The following RAD51B variants were observed in gnomAD, a reference collection of about 807,000 sequenced individuals.
RAD51B encodes DNA repair protein RAD51 homolog 2.
RAD51B carries 38 observed loss-of-function variants against 42.2 expected under a neutral mutation model. The observed-to-expected ratio is 0.90, with a 90% CI of 0.70 to 1.18. The LOEUF is 1.18. Ranked by LOEUF, RAD51B falls within the 50% of genes most tolerant of loss-of-function variation. RAD51B has a pLI of 0.00. For missense variants in RAD51B, 373 were observed against 400.7 expected, an observed-to-expected ratio of 0.93 and a Z score of 0.59; for synonymous variants, 154 against 145.2, an observed-to-expected ratio of 1.06 and a Z score of -0.43.
At chr14:68,523,399 C>T (rs557704592) in intron 10 of RAD51B, among the ~76,000 whole-genome samples, 13 of 152,212 alleles carry the variant, frequency 8.5e-5, no homozygotes, top group African/African-American at 2.9e-4. Flanking sequence ...AAGATCTGTT[C>T]GTGATGTCTG....
intron 7 of RAD51B, among the ~76,000 whole-genome samples, chr14:67,907,752 T>A (rs1355134107): frequency 6.6e-6 from 1 of 152,112 alleles, no homozygotes; most frequent in African/African-American, 2.4e-5. Flanking sequence ...TGGAGGAGCA[T>A]GTATCATGTT....
rs188131986 is a variant in RAD51B, at chr14:68,039,158, C to A, written c.756+151954C>A. ...AAAGTGTGTTATATCTGGCCGGGTG[C>A]GGTGGCTCATGCTGTAATCCCAGCA... On this transcript the variant is annotated intron_variant, in intron 7 of 10. Transcript: ENST00000471583. Among the ~76,000 whole-genome samples the A allele has an allele frequency of 5.4e-4, 82 of 152,050 alleles. 1 individual carries two copies. The highest frequency in any genetic ancestry group is 3.9e-3 in the Admixed American group (59 of 15,258).
At chr14:68,156,549 G>T (rs1226791865) in intron 7 of RAD51B, among the ~76,000 whole-genome samples, 1 of 145,338 alleles carries the variant, frequency 6.9e-6, no homozygotes, top group Non-Finnish European at 1.5e-5. Flanking sequence ...TCTTAGTTTG[G>T]AATTAAGCTG....
chr14:67,859,602 T>TAA (rs2042099976), intron 4 of RAD51B, among the ~76,000 whole-genome samples: 1 of 152,224 alleles, frequency 6.6e-6, no homozygotes, highest in African/African-American at 2.4e-5. Flanking sequence ...GGACAGGAAG[T>TAA]TAAACTGACA....
rs544458398 is a variant in RAD51B at position 68,277,091 on chromosome 14, T to A, written c.757-14793T>A. The stretch of plus-strand genomic sequence containing the variant: ...CTTGCAATCTCACTCTGAACCTCCT[T>A]AGTCCCAGGTATGGGTTTCTCTCAC... On this transcript the variant is annotated intron_variant, in intron 7 of 10. Transcript: ENST00000471583. Among the ~76,000 whole-genome samples the A allele has an allele frequency of 3.1e-3, 468 of 152,288 alleles. 2 individuals carry two copies. Among genetic ancestry groups the A allele is most frequent in the African/African-American group, 0.011 (440 of 41,544 alleles).
chr14:68,256,168 A>G (rs2080750195), intron 7 of RAD51B, among the ~76,000 whole-genome samples: 1 of 152,154 alleles, frequency 6.6e-6, no homozygotes, highest in Non-Finnish European at 1.5e-5. Flanking sequence ...GATTTACCCT[A>G]TTTGGGTGTT....
chr14:68,648,061 G>GTA lies in RAD51B; in HGVS notation c.1037-2709_1037-2708dup, dbSNP rs540657421. 2.9e-4 allele frequency among the ~76,000 whole-genome samples: 27 copies of GTA among 93,232 alleles called. 1 individual carries two copies. The highest frequency in any genetic ancestry group is 9.5e-4 in the East Asian group (2 of 2,114). The allele number at this position is 93,232 out of a possible 152,430, so 61.2% of individuals were successfully genotyped here. A position where few individuals can be genotyped will look rare whatever the true frequency, so the allele number is the denominator to read the frequency against. On this transcript the variant is annotated intron_variant, in intron 10 of 11. Transcript: ENST00000488612. Reference sequence around the variant, plus strand: ...TACACACGTATATAGATGTGTGTGTGTATATATATATACACGTATATATAC... The same window carrying GTA: ...TACACACGTATATAGATGTGTGTGTGTATATATATATATACACGTATATATAC...
At chr14:68,326,515 T>C (rs2082255867) in intron 8 of RAD51B, among the ~76,000 whole-genome samples, 1 of 152,182 alleles carries the variant, frequency 6.6e-6, no homozygotes, top group South Asian at 2.1e-4. Context: ...CTTGTGTCAA[T>C]GTAATAAAAG....
At chr14:68,286,254 C>T (rs2081413218) in intron 7 of RAD51B, among the ~76,000 whole-genome samples, 1 of 152,206 alleles carries the variant, frequency 6.6e-6, no homozygotes, top group South Asian at 2.1e-4. Flanking sequence ...TCTTAGGTGA[C>T]TCCAGTTCAC....
intron 8 of RAD51B, among the ~76,000 whole-genome samples, chr14:68,342,853 T>C (rs2082599498): frequency 6.6e-6 from 1 of 152,210 alleles, no homozygotes; most frequent in African/African-American, 2.4e-5. Context: ...TGAATACCAA[T>C]GAGTACCCAG....
downstream of RAD51B, among the ~76,000 whole-genome samples, chr14:68,598,886 G>A (rs895569543): frequency 6.6e-6 from 1 of 152,162 alleles, no homozygotes; most frequent in East Asian, 1.9e-4. Flanking sequence ...GTTAAAGTCC[G>A]CTTTGAGAAA....
At chr14:68,493,995 G>T (rs1344721984) in intron 10 of RAD51B, among the ~76,000 whole-genome samples, 1 of 152,170 alleles carries the variant, frequency 6.6e-6, no homozygotes, top group African/African-American at 2.4e-5. Flanking sequence ...ACCAATTCTG[G>T]CTGGACGCAG....
At chr14:68,679,981 T>A (rs757332719) in intron 11 of RAD51B, among the ~76,000 whole-genome samples, 2 of 152,234 alleles carry the variant, frequency 1.3e-5, no homozygotes, top group Admixed American at 1.3e-4. Context: ...ATAAGTAAGA[T>A]AAAAGTGAAA....
intron 9 of RAD51B, among the ~76,000 whole-genome samples, chr14:68,426,209 C>G (rs2084846398): frequency 6.6e-6 from 1 of 151,382 alleles, no homozygotes; most frequent in Non-Finnish European, 1.5e-5. Context: ...GCTGGGATTA[C>G]AGGCGCCCAC....
At chr14:68,171,961 C>G (rs1438212305) in intron 7 of RAD51B, among the ~76,000 whole-genome samples, 2 of 152,212 alleles carry the variant, frequency 1.3e-5, no homozygotes, top group Non-Finnish European at 2.9e-5. Flanking sequence ...CCCACCTCAG[C>G]CTCCCAAAGT....
chr14:68,450,923 A>T (rs1004970611), intron 9 of RAD51B, among the ~76,000 whole-genome samples: 1 of 152,152 alleles, frequency 6.6e-6, no homozygotes, highest in Admixed American at 6.5e-5. Flanking sequence ...TCTTAGCATG[A>T]CTGTGGGGGC....
At chr14:68,267,917 C>T (rs1489904724) in intron 7 of RAD51B, among the ~76,000 whole-genome samples, 3 of 150,294 alleles carry the variant, frequency 2.0e-5, no homozygotes, top group Admixed American at 6.6e-5. Flanking sequence ...TCTCATTTTA[C>T]ACAGATAAAA....
chr14:68,420,494 A>T (rs183958697), intron 9 of RAD51B, among the ~76,000 whole-genome samples: 69 of 152,246 alleles, frequency 4.5e-4, no homozygotes, highest in African/African-American at 1.4e-3. Context: ...TCCTGTAAAG[A>T]GGTGGGCAAT....
At chr14:68,580,879 G>A (rs1345889884) in intron 10 of RAD51B, among the ~76,000 whole-genome samples, 1 of 152,210 alleles carries the variant, frequency 6.6e-6, no homozygotes, top group African/African-American at 2.4e-5. Flanking sequence ...TTCCACACGG[G>A]GCGGGGACGT....
Sources: allele counts gnomAD v4.1 joint callset (sites outside exome capture counted in the v4.1 genomes callset), GRCh38; gene constraint gnomAD v4.1.1; transcripts MANE v1.5; gene names NCBI Gene and HGNC (gene_info 2026-07-23, HGNC 2026-07-21).